The following CSMD1 variants were observed in gnomAD, a reference collection of about 807,000 sequenced individuals.
CSMD1 encodes CUB and Sushi multiple domains 1.
A neutral mutation model predicts 417.5 loss-of-function variants in CSMD1; 213 were observed. That is an observed-to-expected ratio of 0.51 (90% CI 0.46 to 0.57). CSMD1 has a LOEUF of 0.57. Among genes scored for constraint, CSMD1 ranks in the 20% least tolerant of loss-of-function variants. The pLI is 0.00. For missense variants in CSMD1, 6,923 were observed against 4,529.7 expected, an observed-to-expected ratio of 1.53 and a Z score of -15.17; for synonymous variants, 2,862 against 1,736.8, an observed-to-expected ratio of 1.65 and a Z score of -16.11.
At chr8:3,586,350 C>T (rs142853608) in intron 8 of CSMD1, 90 bp from the exon 9 acceptor site, 163 of 1,274,838 alleles carry the variant, frequency 1.3e-4, no homozygotes, top group African/African-American at 5.2e-4. Flanking sequence ...ATGGCTGCTA[C>T]GATCTTGTTC....
At chr8:3,581,260 C>T (rs909595190) in intron 9 of CSMD1, among the ~76,000 whole-genome samples, 4 of 152,184 alleles carry the variant, frequency 2.6e-5, no homozygotes, top group South Asian at 2.1e-4. Flanking sequence ...TAAAGATACT[C>T]ATACAGTTTT....
chr8:4,448,098 C>A (rs2163307), intron 2 of CSMD1, among the ~76,000 whole-genome samples: 16,580 of 152,172 alleles, frequency 0.11, 1,186 homozygotes, highest in South Asian at 0.22. Context: ...GTTCCCTTCT[C>A]TATGTTCTTG....
chr8:4,805,844 T>G (rs1464473479), intron 1 of CSMD1, among the ~76,000 whole-genome samples: 1 of 152,100 alleles, frequency 6.6e-6, no homozygotes, highest in Admixed American at 6.5e-5. Flanking sequence ...GGAAGCTCAT[T>G]GTGGGATGCA....
chr8:4,727,153 T>G (rs1380901198), intron 1 of CSMD1, among the ~76,000 whole-genome samples: 1 of 152,106 alleles, frequency 6.6e-6, no homozygotes, highest in Non-Finnish European at 1.5e-5. Context: ...CACTTCGCTC[T>G]CAATCCACCG....
At chr8:3,086,977 C>T in intron 49 of CSMD1, 120 bp downstream of exon 49, 1 of 925,482 alleles carries the variant, frequency 1.1e-6, no homozygotes, top group East Asian at 2.6e-5. Flanking sequence ...CTGTTATAAG[C>T]CAACATTCAA....
intron 3 of CSMD1, among the ~76,000 whole-genome samples, chr8:4,413,892 C>G (rs1482592421): frequency 6.6e-6 from 1 of 152,140 alleles, no homozygotes. Flanking sequence ...GTTTACCAGT[C>G]TAAGTTACCT....
At chr8:4,692,603 C>T (rs1806838164) in intron 1 of CSMD1, among the ~76,000 whole-genome samples, 1 of 152,156 alleles carries the variant, frequency 6.6e-6, no homozygotes, top group South Asian at 2.1e-4. Flanking sequence ...AAGGATTCTG[C>T]AGGCAAAGCC....
At chr8:3,649,638 C>A (rs531987691) in intron 7 of CSMD1, among the ~76,000 whole-genome samples, 1 of 152,142 alleles carries the variant, frequency 6.6e-6, no homozygotes, top group African/African-American at 2.4e-5. Flanking sequence ...GAGAACAGCA[C>A]GGAGAAACCA....
chr8:4,811,069 G>A (rs572582161), intron 1 of CSMD1, among the ~76,000 whole-genome samples: 2 of 152,234 alleles, frequency 1.3e-5, no homozygotes, highest in African/African-American at 4.8e-5. Flanking sequence ...AAAGTAATTC[G>A]ACCCTGTTAG....
In CSMD1 at chr8:4,479,766, T is replaced by G. The variant is rs554800594; in HGVS notation, c.303-59701A>C. 5.3e-5 allele frequency among the ~76,000 whole-genome samples: 8 copies of G among 151,634 alleles called. No individual in the cohort carries two copies. In the South Asian group the frequency reaches 1.5e-3, roughly 28 times the overall value. ...AAAATTAGCTTCCTTAGAAGCTAAT[T>G]CTCTACTGAGAATTAGAGAAACCCC... On this transcript the variant is annotated intron_variant, in intron 2 of 69. Coordinates refer to ENST00000635120, the MANE Select transcript of CSMD1 (RefSeq NM_033225.6).
intron 52 of CSMD1, among the ~76,000 whole-genome samples, chr8:3,008,732 T>C (rs11774251): frequency 0.021 from 3,140 of 152,290 alleles, 100 homozygotes; most frequent in African/African-American, 0.07. Context: ...TAGCTATCCG[T>C]ACTGTTTCTG....
chr8:3,470,310 A>T (rs1817013977), intron 11 of CSMD1, among the ~76,000 whole-genome samples: 1 of 152,214 alleles, frequency 6.6e-6, no homozygotes, highest in Non-Finnish European at 1.5e-5. Context: ...TAGTGTATAA[A>T]CACAAGTAGG....
Position 4,138,212 on chromosome 8 carries a change from T to A in CSMD1, c.416-106113A>T. On this transcript the variant is annotated intron_variant, in intron 3 of 69. Transcript: ENST00000635120. ...TTACAGGCGCAGCCTTACATTTTTT[T>A]TTTTTTTTTTTTTCAGGTCTCTAAC... Among the ~76,000 whole-genome samples the A allele has an allele frequency of 1.3e-5, 2 of 150,104 alleles. 1 individual carries two copies. The highest frequency in any genetic ancestry group is 3.0e-5 in the Non-Finnish European group (2 of 67,498).
intron 3 of CSMD1, among the ~76,000 whole-genome samples, chr8:4,190,462 A>T (rs868247626): frequency 6.6e-6 from 1 of 152,040 alleles, no homozygotes; most frequent in East Asian, 1.9e-4. Context: ...AGAGCCTAAC[A>T]CTATTAGAGT....
intron 65 of CSMD1, among the ~76,000 whole-genome samples, chr8:2,953,704 G>A (rs897334333): frequency 6.6e-5 from 10 of 152,204 alleles, no homozygotes; most frequent in African/African-American, 2.2e-4. Flanking sequence ...GCTATATAAT[G>A]CTTTTAGCAA....
intron 5 of CSMD1, among the ~76,000 whole-genome samples, chr8:3,801,527 G>C (rs995195529): frequency 6.6e-6 from 1 of 152,118 alleles, no homozygotes; most frequent in African/African-American, 2.4e-5. Context: ...TTGTCGGAAA[G>C]TAAAATGTTA....
rs539457652 is a variant in CSMD1 at position 3,286,275 on chromosome 8, C to T, written c.3951-1929G>A. On this transcript the variant is annotated intron_variant, in intron 25 of 69. Transcript: ENST00000635120. ...AAGTCTTTGCTATTGTGAATAGTGCCGCTATAAACATACGTGTGCATGTGT... is the reference window on the plus strand; with the variant it reads ...AAGTCTTTGCTATTGTGAATAGTGCTGCTATAAACATACGTGTGCATGTGT... 7.9e-5 allele frequency among the ~76,000 whole-genome samples: 12 copies of T among 152,118 alleles called. No homozygotes were observed. The East Asian group carries it at 1.2e-3, about 15-fold the overall frequency.
chr8:3,993,821 T>C (rs545988836), intron 5 of CSMD1, among the ~76,000 whole-genome samples: 5 of 152,336 alleles, frequency 3.3e-5, no homozygotes, highest in South Asian at 4.1e-4. Context: ...GCATTATTTA[T>C]GTAGTGTTCT....
At chr8:4,748,331 T>C (rs926203054) in intron 1 of CSMD1, among the ~76,000 whole-genome samples, 5 of 152,238 alleles carry the variant, frequency 3.3e-5, no homozygotes, top group African/African-American at 9.6e-5. Flanking sequence ...GAGTTGGAAA[T>C]GTGTGCATAT....
Sources: gnomAD v4.1 joint callset for allele counts (sites outside exome capture counted in the v4.1 genomes callset) on GRCh38, gnomAD v4.1.1 for gene constraint, MANE v1.5 for transcripts, NCBI Gene and HGNC (gene_info 2026-07-23, HGNC 2026-07-21) for gene names.